The following DMPK variants were observed in gnomAD, a reference collection of about 807,000 sequenced individuals.
The protein encoded by DMPK is myotonin-protein kinase.
DMPK carries 32 observed loss-of-function variants against 70.3 expected under a neutral mutation model. The ratio of observed to expected loss-of-function variants is 0.46; its 90% CI spans 0.34 to 0.61. DMPK has a LOEUF of 0.61. Among genes scored for constraint, DMPK ranks in the 20% least tolerant of loss-of-function variants. The pLI, the probability that DMPK is intolerant of heterozygous loss-of-function variation, is 0.01. For synonymous variants in DMPK, 469 were observed against 390.9 expected, an observed-to-expected ratio of 1.20 and a Z score of -2.36; for missense variants, 899 against 886.0, an observed-to-expected ratio of 1.01 and a Z score of -0.19.
Position 45,777,541 on chromosome 19 carries a change from C to A in DMPK, c.932G>T (p.Arg311Leu). 1 of 1,613,616 alleles carries A rather than the reference C, an allele frequency of 6.2e-7. No homozygotes were observed. The highest frequency in any genetic ancestry group is 8.5e-7 in the Non-Finnish European group (1 of 1,180,006). The change falls in exon 8 of 15, where the codon CGA becomes CTA. Residue 311 changes from arginine (R) to leucine (L), a missense_variant. Coordinates refer to ENST00000291270, the MANE Select transcript of DMPK (RefSeq NM_004409.5). This position sits in a 1 kb window ranked among gnomAD's most constrained non-coding sequence, Gnocchi z 6.7. ...LVDEGVPEEA[R>L]DFIQRLLCPP... is the part of the protein sequence containing the mutation. ...ACACAGCAACCGCTGAATGAAGTCT[C>A]GAGCCTCCTCAGGGACCCCTTCGTC...
chr19:45,782,381 C>T lies in DMPK; in HGVS notation c.-29G>A. ...GGACAGGCAGCACCATGGCCCCTCC[C>T]CGGGCCGGGGGCTCGGGGTCCTCCT... On this transcript the variant is annotated 5_prime_UTR_variant, in exon 1 of 15. Coordinates refer to ENST00000291270, the MANE Select transcript of DMPK (RefSeq NM_004409.5). 6.5e-7 allele frequency: 1 copy of T among 1,529,380 alleles called. No homozygotes were observed. Among genetic ancestry groups the T allele is most frequent in the Non-Finnish European group, 8.8e-7 (1 of 1,137,028 alleles). 94.7% of individuals were successfully genotyped at this position (1,529,380 alleles called of 1,614,324 possible). A position where few individuals can be genotyped will look rare whatever the true frequency, so the allele number is the denominator to read the frequency against.
intron 10 of DMPK, chr19:45,772,432 G>T: frequency 2.2e-6 from 1 of 455,222 alleles, no homozygotes; most frequent in Admixed American, 4.4e-5. Flanking sequence ...CGACTTCTCA[G>T]ATCCCCAGCA....
At chr19:45,771,417 C>G (rs747414929) in intron 12 of DMPK, 21 bp from the exon 13 acceptor site, 26 of 1,610,946 alleles carry the variant, frequency 1.6e-5, no homozygotes, top group Non-Finnish European at 2.2e-5. Context: ...AAGAAAGAGG[C>G]ATAGGGCGCG....
chr19:45,780,990 A>G (rs1970084151), intron 1 of DMPK, among the ~76,000 whole-genome samples: 1 of 152,032 alleles, frequency 6.6e-6, no homozygotes, highest in African/African-American at 2.4e-5. Context: ...ATCCTCTACT[A>G]AAGGGAGGCC....
In DMPK at chr19:45,771,890, C is replaced by T. The variant is rs1447699643; in HGVS notation, c.1383G>A (p.Glu461=). The T allele has an allele frequency of 5.0e-6, 8 of 1,596,218 alleles. No individual in the cohort carries two copies. The highest frequency in any genetic ancestry group is 1.1e-5 in the South Asian group (1 of 88,310). Residue 461 remains glutamate (E), a synonymous_variant, in exon 11 of 15, where the codon GAG becomes GAA. Coordinates refer to ENST00000291270, the MANE Select transcript of DMPK (RefSeq NM_004409.5). ...VAVPAAVPAA[E]AEAEVTLREL... is the part of the protein sequence containing the mutation. ...CCCGCAGCGTCACCTCGGCCTCAGC[C>T]TCTGCCGCAGGGACAGCCGCTGGAA...
chr19:45,779,825 C>A lies in DMPK; in HGVS notation c.205G>T (p.Asp69Tyr), dbSNP rs140030942. 6.3e-7 allele frequency: 1 copy of A among 1,592,168 alleles called. No individual in the cohort carries two copies. The highest frequency in any genetic ancestry group is 2.2e-5 in the East Asian group (1 of 44,566). ...ATCACCTTCAGAATCTCGAAGTCGT[C>A]CCTCTGCAGTCGGACCTCCTTAAGC... The part of the protein sequence containing the change: ...VRLKEVRLQR[D>Y]DFEILKVIGR... Residue 69 changes from aspartate (D) to tyrosine (Y), a missense_variant, in exon 2 of 15, where the codon GAC becomes TAC. This residue lies in a region of DMPK where 149 missense variants were observed against 142.5 expected (regional missense o/e 1.05). Transcript: ENST00000291270.
In DMPK at chr19:45,777,225, G is replaced by A; in HGVS notation, c.1146+102C>T. 7.1e-7 allele frequency: 1 copy of A among 1,413,066 alleles called. No homozygotes were observed. Among genetic ancestry groups the A allele is most frequent in the Non-Finnish European group, 9.3e-7 (1 of 1,073,840 alleles). The allele number at this position is 1,413,066 out of a possible 1,614,324, so 87.5% of individuals were successfully genotyped here. A position where few individuals can be genotyped will look rare whatever the true frequency, so the allele number is the denominator to read the frequency against. ...GCACAGAGCAGGTGCTCTGGGGAAT[G>A]AGTGATTCAGGACCCCAGAAGGTAG... On this transcript the variant is annotated intron_variant, in intron 8 of 14. Transcript: ENST00000291270. This position sits in a 1 kb window ranked among gnomAD's most constrained non-coding sequence, Gnocchi z 6.7.
rs1296234888 is a variant in DMPK at position 45,770,077 on chromosome 19, C to A, written c.*411G>T. 2.0e-6 allele frequency: 1 copy of A among 512,812 alleles called. No individual in the cohort carries two copies. Among genetic ancestry groups the A allele is most frequent in the Non-Finnish European group, 3.6e-6 (1 of 277,226 alleles). The allele number at this position is 512,812 out of a possible 1,614,324, so 31.8% of individuals were successfully genotyped here. A position where few individuals can be genotyped will look rare whatever the true frequency, so the allele number is the denominator to read the frequency against. On this transcript the variant is annotated 3_prime_UTR_variant, in exon 15 of 15. Transcript: ENST00000291270. ...GAAAGCTTTGCACTTTGCGAACCAACGATAGGTGGGGGTGCGTGGAGGATG... is the reference window on the plus strand; with the variant it reads ...GAAAGCTTTGCACTTTGCGAACCAAAGATAGGTGGGGGTGCGTGGAGGATG...
In DMPK at chr19:45,771,028, C is replaced by G. The variant is rs1030263590; in HGVS notation, c.1680G>C (p.Gln560His). Residue 560 changes from glutamine (Q) to histidine (H), a missense_variant, in exon 14 of 15, where the codon CAG becomes CAC. Gln to His is a conservative substitution (Grantham distance 24, BLOSUM62 0). Coordinates refer to ENST00000291270, the MANE Select transcript of DMPK (RefSeq NM_004409.5). ...LDGPPAVAVG[Q>H]CPLVGPGPMH... ...TGGGGCCTGGCCCCACCAGCGGGCACTGGCCCACAGCCACGGCCGGGGGGC... is the reference window on the plus strand; with the variant it reads ...TGGGGCCTGGCCCCACCAGCGGGCAGTGGCCCACAGCCACGGCCGGGGGGC... 1.4e-4 allele frequency: 205 copies of G among 1,492,082 alleles called. No individual in the cohort carries two copies. Among genetic ancestry groups the G allele is most frequent in the Non-Finnish European group, 1.8e-4 (199 of 1,124,130 alleles). The allele number at this position is 1,492,082 out of a possible 1,614,324, so 92.4% of individuals were successfully genotyped here.
intron 1 of DMPK, 61 bp from the exon 2 acceptor site, chr19:45,779,930 G>A: frequency 6.2e-7 from 1 of 1,612,110 alleles, no homozygotes; most frequent in Non-Finnish European, 8.5e-7. Flanking sequence ...GAGACAAGGG[G>A]GAAAGCCCCA....
At chr19:45,781,421 G>A (rs1970109908) in intron 1 of DMPK, among the ~76,000 whole-genome samples, 1 of 152,158 alleles carries the variant, frequency 6.6e-6, no homozygotes, top group South Asian at 2.1e-4. Context: ...GGTTTTGTGG[G>A]ACAGCTGGAA....
At position 45,777,521 on chromosome 19, in the gene DMPK, G is replaced by A. The variant is rs1207252373; in HGVS notation, c.952C>T (p.Leu318=). ...CCCAGCCGTGTCTCCGGGGGACACA[G>A]CAACCGCTGAATGAAGTCTCGAGCC... ...EEARDFIQRL[L]CPPETRLGRG... is the part of the protein sequence containing the mutation. Residue 318 remains leucine (L), a synonymous_variant, in exon 8 of 15, where the codon CTG becomes TTG. Coordinates refer to ENST00000291270, the MANE Select transcript of DMPK (RefSeq NM_004409.5). The surrounding 1 kb of genome is among the most constrained non-coding windows in gnomAD (Gnocchi z 6.7). 4 of 1,613,620 alleles carry A rather than the reference G, an allele frequency of 2.5e-6. No homozygotes were observed. Among genetic ancestry groups the A allele is most frequent in the Admixed American group, 3.3e-5 (2 of 60,030 alleles).
rs1225888640 is a variant in DMPK at position 45,770,570 on chromosome 19, G to A, written c.1808C>T (p.Ala603Val). ...LFAVVLSRAA[A>V]LGCIGLVAHA... ...GGCCACCAACCCAATGCAGCCCAGG[G>A]CGGCGGCACGAGACAGAACAACGGC... Residue 603 changes from alanine (A) to valine (V), a missense_variant, in exon 15 of 15, where the codon GCC becomes GTC. By Grantham distance (64) the Ala-to-Val change is moderately conservative. This residue lies in a region of DMPK where 555 missense variants were observed against 483.8 expected (regional missense o/e 1.15). Transcript: ENST00000291270. The A allele has an allele frequency of 6.4e-7, 1 of 1,551,666 alleles. No homozygotes were observed. The highest frequency in any genetic ancestry group is 8.7e-7 in the Non-Finnish European group (1 of 1,147,422).
Position 45,770,112 on chromosome 19 carries a change from C to G in DMPK, c.*376G>C. ...GGGTGCGTGGAGGATGGAACACGGACGGCCCGGCTTGCTGCCTTCCCAGGC... is the reference window on the plus strand; with the variant it reads ...GGGTGCGTGGAGGATGGAACACGGAGGGCCCGGCTTGCTGCCTTCCCAGGC... On this transcript the variant is annotated 3_prime_UTR_variant, in exon 15 of 15. Coordinates refer to ENST00000291270, the MANE Select transcript of DMPK (RefSeq NM_004409.5). The G allele has an allele frequency of 1.7e-6, 1 of 605,860 alleles. No homozygotes were observed. The highest frequency in any genetic ancestry group is 2.9e-6 in the Non-Finnish European group (1 of 340,010). 37.5% of individuals were successfully genotyped at this position (605,860 alleles called of 1,614,324 possible). A position where few individuals can be genotyped will look rare whatever the true frequency, so the allele number is the denominator to read the frequency against.
chr19:45,771,496 A>G, intron 12 of DMPK, 72 bp downstream of exon 12: 1 of 1,610,748 alleles, frequency 6.2e-7, no homozygotes, highest in Non-Finnish European at 8.5e-7. Context: ...CCAGGTGTCT[A>G]TACACGCCCC....
rs757675176 is a variant in DMPK, at chr19:45,779,500, T to C, written c.275A>G (p.Gln92Arg). The C allele has an allele frequency of 1.2e-6, 2 of 1,613,926 alleles. No homozygotes were observed. The highest frequency in any genetic ancestry group is 1.7e-6 in the Non-Finnish European group (2 of 1,180,012). Residue 92 changes from glutamine to arginine, a missense_variant, in exon 3 of 15, where the codon CAG (glutamine) becomes CGG (arginine). Coordinates refer to ENST00000291270, the MANE Select transcript of DMPK (RefSeq NM_004409.5). The part of the protein sequence containing the change: ...FSEVAVVKMK[Q>R]TGQVYAMKIM... ...CTTCATGGCATACACCTGGCCCGTC[T>C]GCTTCATCTTCACTACCGCTACCTG...
Position 45,777,415 on chromosome 19 carries a change from G to T in DMPK, c.1058C>A (p.Pro353His), listed in dbSNP as rs894872316. 2.5e-6 allele frequency: 4 copies of T among 1,613,246 alleles called. No individual in the cohort carries two copies. The highest frequency in any genetic ancestry group is 2.2e-5 in the East Asian group (1 of 44,902). ...GGCACCTTCGAAATCCGGTGTAAAG[G>T]GGGGCACGCTGTCCCGGAGACCATC... is the stretch of plus-strand genomic sequence containing the variant. The part of the protein sequence containing the change: ...DWDGLRDSVP[P>H]FTPDFEGATD... Residue 353 changes from proline (P) to histidine (H), a missense_variant, in exon 8 of 15, where the codon CCC (proline) becomes CAC (histidine). Pro to His is a moderately conservative substitution (Grantham distance 77, BLOSUM62 -2). Coordinates refer to ENST00000291270, the MANE Select transcript of DMPK (RefSeq NM_004409.5). This position sits in a 1 kb window ranked among gnomAD's most constrained non-coding sequence, Gnocchi z 6.7.
chr19:45,781,811 G>C (rs556407652), intron 1 of DMPK, among the ~76,000 whole-genome samples: 5 of 152,314 alleles, frequency 3.3e-5, no homozygotes, highest in Non-Finnish European at 7.4e-5. Flanking sequence ...GAAACCAGGG[G>C]AGAGGGCCAT....
Position 45,770,604 on chromosome 19 carries a change from G to A in DMPK, c.1774C>T (p.Leu592Phe), listed in dbSNP as rs745669721. ...CGAGACAGAACAACGGCGAACAGGA[G>A]CAGGGAAAGCGCCTCCGATAGGCCA... ...RPGLSEALSL[L>F]LFAVVLSRAA... The change falls in exon 15 of 15, where the codon CTC becomes TTC. Residue 592 changes from leucine to phenylalanine, a missense_variant. Coordinates refer to ENST00000291270, the MANE Select transcript of DMPK (RefSeq NM_004409.5). The A allele has an allele frequency of 1.9e-6, 3 of 1,552,966 alleles. No homozygotes were observed. Among genetic ancestry groups the A allele is most frequent in the East Asian group, 2.4e-5 (1 of 41,028 alleles).
Sources: gnomAD v4.1 joint callset for allele counts (sites outside exome capture counted in the v4.1 genomes callset) on GRCh38, gnomAD v4.1.1 for gene constraint, gnomAD v4.1.1 regional missense constraint, Gnocchi (gnomAD v3.1) non-coding constraint, MANE v1.5 for transcripts, NCBI Gene and HGNC (gene_info 2026-07-23, HGNC 2026-07-21) for gene names.